The following SNX29 variants were observed in gnomAD, a reference collection of about 807,000 sequenced individuals.
SNX29 encodes the protein sorting nexin 29, also known as sorting nexin-29.
A neutral mutation model predicts 102.1 loss-of-function variants in SNX29; 78 were observed. That is an observed-to-expected ratio of 0.76 (90% CI 0.64 to 0.92). The LOEUF is 0.92. Ranked by LOEUF, SNX29 falls within the 40% of genes least tolerant of loss-of-function variation. The probability of loss-of-function intolerance (pLI) is 0.00; values close to 1 mark genes in which losing one functional copy is unlikely to be tolerated. For missense variants in SNX29, 1,280 were observed against 1,061.7 expected (o/e 1.21, Z -2.86); for synonymous variants, 580 against 414.5 (o/e 1.40, Z -4.85).
intron 20 of SNX29, chr16:12,557,590 G>A (rs1274705132): frequency 6.6e-6 from 1 of 152,118 alleles, no homozygotes; most frequent in Non-Finnish European, 1.5e-5. Flanking sequence ...TTGAACTCCT[G>A]ACCTCAAATG....
intron 14 of SNX29, among the ~76,000 whole-genome samples, chr16:12,226,594 G>T (rs113765392): frequency 0.045 from 6,426 of 143,424 alleles, 268 homozygotes; most frequent in East Asian, 0.19. Context: ...TTTTTTTGGA[G>T]ACAGAGTCTT....
intron 20 of SNX29, among the ~76,000 whole-genome samples, chr16:12,535,726 C>A (rs2077057106): frequency 6.6e-6 from 1 of 152,118 alleles, no homozygotes; most frequent in African/African-American, 2.4e-5. Flanking sequence ...GTAAACAAAG[C>A]CAGGCTTGGT....
At chr16:12,241,297 T>G (rs542925372) in intron 14 of SNX29, among the ~76,000 whole-genome samples, 4 of 152,142 alleles carry the variant, frequency 2.6e-5, no homozygotes, top group Non-Finnish European at 4.4e-5. Context: ...TGGCTTAAAA[T>G]TGAAGCAAGA....
chr16:12,178,803 G>A (rs1390162322), intron 13 of SNX29, among the ~76,000 whole-genome samples: 1 of 152,176 alleles, frequency 6.6e-6, no homozygotes, highest in Non-Finnish European at 1.5e-5. Flanking sequence ...TGTGTGACTT[G>A]GAAGGAGCAT....
chr16:12,167,476 C>T (rs1055928026), intron 13 of SNX29, among the ~76,000 whole-genome samples: 1 of 152,154 alleles, frequency 6.6e-6, no homozygotes, highest in East Asian at 1.9e-4. Flanking sequence ...TTGACTTCTC[C>T]ACCCACCACC....
chr16:12,299,332 G>A (rs2080085618), intron 15 of SNX29, among the ~76,000 whole-genome samples: 1 of 152,118 alleles, frequency 6.6e-6, no homozygotes, highest in South Asian at 2.1e-4. Flanking sequence ...ATGTATTTAA[G>A]CCTATTTGAT....
chr16:12,159,279 C>T (rs1179710563), intron 13 of SNX29, among the ~76,000 whole-genome samples: 1 of 152,162 alleles, frequency 6.6e-6, no homozygotes, highest in African/African-American at 2.4e-5. Context: ...GGCTTCATTC[C>T]TCACCCTTCC....
intron 13 of SNX29, among the ~76,000 whole-genome samples, chr16:12,151,527 G>A (rs1045409815): frequency 6.6e-6 from 1 of 152,080 alleles, no homozygotes; most frequent in South Asian, 2.1e-4. Flanking sequence ...ATCTGACCGG[G>A]GCCTGCCTGC....
intron 16 of SNX29, among the ~76,000 whole-genome samples, chr16:12,382,057 C>A (rs2083183683): frequency 6.6e-6 from 1 of 152,048 alleles, no homozygotes; most frequent in African/African-American, 2.4e-5. Context: ...CAAAACCCAG[C>A]CATCTGAAAT....
intron 11 of SNX29, among the ~76,000 whole-genome samples, chr16:12,112,657 G>A (rs945866063): frequency 2.6e-5 from 4 of 152,236 alleles, no homozygotes; most frequent in Admixed American, 2.6e-4. Flanking sequence ...TGGCAAGACA[G>A]CTTGTCTGAG....
chr16:12,388,580 G>C (rs557134027), intron 16 of SNX29, among the ~76,000 whole-genome samples: 2 of 152,176 alleles, frequency 1.3e-5, no homozygotes, highest in Admixed American at 1.3e-4. Context: ...ATGACTGTGC[G>C]GGTCACGCTG....
At chr16:12,422,229 G>T (rs936311168) in intron 18 of SNX29, among the ~76,000 whole-genome samples, 2 of 152,184 alleles carry the variant, frequency 1.3e-5, no homozygotes, top group African/African-American at 2.4e-5. Context: ...CCTTGGGAAG[G>T]TTATTGCACC....
chr16:12,565,831 C>T (rs1477645815), intron 20 of SNX29, among the ~76,000 whole-genome samples: 2 of 152,180 alleles, frequency 1.3e-5, no homozygotes, highest in Admixed American at 6.5e-5. Flanking sequence ...GGTCACCCTC[C>T]ACACCTCTGC....
At chr16:12,551,336 G>A (rs1444410772) in intron 20 of SNX29, among the ~76,000 whole-genome samples, 2 of 152,200 alleles carry the variant, frequency 1.3e-5, no homozygotes, top group Admixed American at 6.5e-5. Flanking sequence ...GAGATATGTG[G>A]AATCATTCTT....
At chr16:12,193,737 A>G (rs544944468) in intron 13 of SNX29, among the ~76,000 whole-genome samples, 5 of 152,242 alleles carry the variant, frequency 3.3e-5, no homozygotes, top group African/African-American at 1.2e-4. Context: ...TTCCAAAATC[A>G]TGTGTGGAAA....
chr16:12,520,970 G>A (rs1287473593), intron 19 of SNX29, among the ~76,000 whole-genome samples: 1 of 152,154 alleles, frequency 6.6e-6, no homozygotes, highest in African/African-American at 2.4e-5. Flanking sequence ...ACACTGAGGT[G>A]GGCGGATCAC....
intron 15 of SNX29, among the ~76,000 whole-genome samples, chr16:12,339,729 A>G (rs2081558113): frequency 1.3e-5 from 2 of 152,228 alleles, no homozygotes; most frequent in African/African-American, 4.8e-5. Context: ...GAGCTTAGCA[A>G]TTCTTGTCAT....
chr16:12,495,818 C>G (rs1260693133), intron 19 of SNX29, among the ~76,000 whole-genome samples: 1 of 152,130 alleles, frequency 6.6e-6, no homozygotes, highest in Non-Finnish European at 1.5e-5. Context: ...CTTTGGGAGA[C>G]CAAGGCAGGT....
intron 14 of SNX29, among the ~76,000 whole-genome samples, chr16:12,221,158 C>T (rs1312539223): frequency 7.3e-5 from 11 of 151,480 alleles, no homozygotes; most frequent in African/African-American, 1.7e-4. Flanking sequence ...GCGAGGCACA[C>T]GTAGTAATCT....
Sources: allele counts gnomAD v4.1 joint callset (sites outside exome capture counted in the v4.1 genomes callset), GRCh38; gene constraint gnomAD v4.1.1; transcripts MANE v1.5; gene names NCBI Gene and HGNC (gene_info 2026-07-23, HGNC 2026-07-21).